The following PPFIA2 variants were observed in gnomAD, a reference collection of about 807,000 sequenced individuals.
PPFIA2 encodes the protein PPFI scaffold protein A2.
A neutral mutation model predicts 175.5 loss-of-function variants in PPFIA2; 46 were observed. The observed-to-expected ratio is 0.26, with a 90% CI of 0.21 to 0.34. The LOEUF (loss-of-function observed/expected upper bound fraction) is 0.34, where lower values mean the gene tolerates loss of function less well. Ranked by LOEUF, PPFIA2 falls within the 10% of genes least tolerant of loss-of-function variation. The pLI is 1.00. For synonymous variants in PPFIA2, 568 were observed against 511.4 expected, an observed-to-expected ratio of 1.11 and a Z score of -1.49; for missense variants, 1,179 against 1,506.1, an observed-to-expected ratio of 0.78 and a Z score of 3.60.
intron 7 of PPFIA2, among the ~76,000 whole-genome samples, chr12:81,421,047 C>A (rs989371582): frequency 6.6e-6 from 1 of 151,962 alleles, no homozygotes; most frequent in Non-Finnish European, 1.5e-5. Context: ...AACTGTCTAC[C>A]AAGAACAATA....
At chr12:81,378,889 T>C (rs2036989296) in intron 9 of PPFIA2, among the ~76,000 whole-genome samples, 1 of 152,156 alleles carries the variant, frequency 6.6e-6, no homozygotes, top group Admixed American at 6.6e-5. Context: ...ATATATTGTG[T>C]GGGTTGAGAT....
At chr12:81,273,887 C>CCA (rs2039829820) in intron 28 of PPFIA2, among the ~76,000 whole-genome samples, 1 of 151,230 alleles carries the variant, frequency 6.6e-6, no homozygotes, top group African/African-American at 2.4e-5. Flanking sequence ...CTCCCCGCCC[C>CCA]CCCCCAAACC....
intron 4 of PPFIA2, among the ~76,000 whole-genome samples, chr12:81,558,797 G>A (rs901905665): frequency 6.6e-6 from 1 of 152,126 alleles, no homozygotes; most frequent in Non-Finnish European, 1.5e-5. Flanking sequence ...TGGCTGGAGT[G>A]GCCTGGGGAA....
chr12:81,387,450 A>C (rs1395622556), intron 8 of PPFIA2, among the ~76,000 whole-genome samples: 1 of 152,188 alleles, frequency 6.6e-6, no homozygotes, highest in Non-Finnish European at 1.5e-5. Flanking sequence ...GAGAAAGATA[A>C]AACACAGAGA....
intron 4 of PPFIA2, among the ~76,000 whole-genome samples, chr12:81,661,064 G>GAAC (rs1334594942): frequency 6.6e-6 from 1 of 152,120 alleles, no homozygotes; most frequent in Non-Finnish European, 1.5e-5. Context: ...ACATGGAAAG[G>GAAC]AACAACCAGT....
intron 18 of PPFIA2, 101 bp from the exon 19 acceptor site, chr12:81,344,794 AT>A (rs139449786): frequency 1.4e-5 from 11 of 799,908 alleles, no homozygotes; most frequent in South Asian, 4.2e-5. Context: ...CTTGACTATC[AT>A]TTTTTTCTTC....
intron 3 of PPFIA2, among the ~76,000 whole-genome samples, chr12:81,678,513 T>C (rs1596320339): frequency 6.6e-6 from 1 of 151,842 alleles, no homozygotes; most frequent in Non-Finnish European, 1.5e-5. Context: ...GCATAGTCTA[T>C]TAAAGGTCAC....
intron 4 of PPFIA2, among the ~76,000 whole-genome samples, chr12:81,592,860 A>G (rs771794294): frequency 2.2e-4 from 34 of 152,156 alleles, no homozygotes; most frequent in Non-Finnish European, 5.9e-5. Flanking sequence ...GGCTCAAGTG[A>G]TCCTCCGACC....
intron 17 of PPFIA2, among the ~76,000 whole-genome samples, chr12:81,348,729 A>G (rs1265714477): frequency 3.9e-5 from 6 of 152,052 alleles, no homozygotes; most frequent in Non-Finnish European, 5.9e-5. Context: ...GAGTGAGAAA[A>G]AAAATTATAT....
At chr12:81,295,319 T>C (rs980349430) in intron 23 of PPFIA2, among the ~76,000 whole-genome samples, 1 of 152,372 alleles carries the variant, frequency 6.6e-6, no homozygotes, top group Non-Finnish European at 1.5e-5. Flanking sequence ...AAGTAATGGC[T>C]GCATGGCACC....
In PPFIA2 at chr12:81,460,627, C is replaced by T. The variant is rs1026921688; in HGVS notation, c.304-2761G>A. Reference sequence around the variant, plus strand: ...ATCTCACATGGAGTTAACCACCAAACATTTTAACACTTTTCCTCTGACAGT... The same window carrying T: ...ATCTCACATGGAGTTAACCACCAAATATTTTAACACTTTTCCTCTGACAGT... On this transcript the variant is annotated intron_variant, in intron 4 of 32. Coordinates refer to ENST00000549396, the MANE Select transcript of PPFIA2 (RefSeq NM_003625.5). 8.5e-5 allele frequency among the ~76,000 whole-genome samples: 13 copies of T among 152,180 alleles called. No homozygotes were observed. In the Middle Eastern group the frequency reaches 0.01, roughly 119 times the overall value.
chr12:81,617,990 G>A (rs547868251), intron 4 of PPFIA2, among the ~76,000 whole-genome samples: 6 of 152,188 alleles, frequency 3.9e-5, no homozygotes, highest in East Asian at 1.9e-4. Context: ...AAAGGGATTC[G>A]TGAGTTGTGA....
chr12:81,539,710 G>T (rs1367441944), intron 4 of PPFIA2, among the ~76,000 whole-genome samples: 1 of 151,874 alleles, frequency 6.6e-6, no homozygotes, highest in Admixed American at 6.6e-5. Flanking sequence ...TTAATACAGT[G>T]TCACTGAACC....
rs369019293 is a variant in PPFIA2, at chr12:81,358,154, A to T, written c.1701T>A (p.Ser567=). Reference sequence around the variant, plus strand: ...TTATTACTTTAGTTGTTCTGTAATCAGACTGGCTGTCCACTAGGGATCCCA... The same window carrying T: ...TTATTACTTTAGTTGTTCTGTAATCTGACTGGCTGTCCACTAGGGATCCCA... ...YSVGSLVDSQ[S]DYRTTKVIRR... The change falls in exon 16 of 33, where the codon TCT becomes TCA. Residue 567 remains serine (S), a synonymous_variant. Transcript: ENST00000549396. 1.1e-4 allele frequency: 178 copies of T among 1,599,732 alleles called. No homozygotes were observed. Among genetic ancestry groups the T allele is most frequent in the Middle Eastern group, 6.6e-4 (4 of 6,068 alleles).
At chr12:81,699,303 C>T (rs974074142) in intron 3 of PPFIA2, among the ~76,000 whole-genome samples, 4 of 151,808 alleles carry the variant, frequency 2.6e-5, no homozygotes, top group African/African-American at 7.2e-5. Context: ...CTCTGGTAAA[C>T]ATTATACCAA....
chr12:81,743,428 A>AAAAAAC (rs2082595225), intron 3 of PPFIA2, among the ~76,000 whole-genome samples: 1 of 149,774 alleles, frequency 6.7e-6, no homozygotes, highest in Non-Finnish European at 1.5e-5. Context: ...AAAAAAAAAA[A>AAAAAAC]AAAAAAAAAA....
At chr12:81,589,618 G>A (rs1412471847) in intron 4 of PPFIA2, among the ~76,000 whole-genome samples, 1 of 152,056 alleles carries the variant, frequency 6.6e-6, no homozygotes, top group Admixed American at 6.6e-5. Context: ...GAATACTTTT[G>A]TTGCTGCATG....
chr12:81,703,842 C>A (rs922409447), intron 3 of PPFIA2, among the ~76,000 whole-genome samples: 30 of 152,122 alleles, frequency 2.0e-4, no homozygotes, highest in Non-Finnish European at 4.1e-4. Context: ...AACGCTCTTT[C>A]TTCTGCTCTT....
In PPFIA2 at chr12:81,626,620, C is replaced by CT. The variant is rs549060555; in HGVS notation, c.303+50170dup. Among the ~76,000 whole-genome samples the CT allele has an allele frequency of 1.1e-4, 17 of 152,126 alleles. 1 individual carries two copies. The highest frequency in any genetic ancestry group is 4.1e-4 in the African/African-American group (17 of 41,542). On this transcript the variant is annotated intron_variant, in intron 4 of 32. Transcript: ENST00000549396. ...AAATTAATAAAACTGGAATTGTGTGCTGCACATTATGTTCTTGGCAGGAAA... is the reference window on the plus strand; with the variant it reads ...AAATTAATAAAACTGGAATTGTGTGCTTGCACATTATGTTCTTGGCAGGAAA...
Sources: gnomAD v4.1 joint callset for allele counts (sites outside exome capture counted in the v4.1 genomes callset) on GRCh38, gnomAD v4.1.1 for gene constraint, MANE v1.5 for transcripts, NCBI Gene and HGNC (gene_info 2026-07-23, HGNC 2026-07-21) for gene names.